LRRC28: variants seen among roughly 807,000 people sequenced by gnomAD.
LRRC28 encodes the protein leucine rich repeat containing 28.
A neutral mutation model predicts 45.7 loss-of-function variants in LRRC28; 39 were observed. The ratio of observed to expected loss-of-function variants is 0.85; its 90% CI spans 0.66 to 1.12. LRRC28 has a LOEUF of 1.12. Ranked by LOEUF, LRRC28 falls within the 50% of genes most tolerant of loss-of-function variation. The pLI, the probability that LRRC28 is intolerant of heterozygous loss-of-function variation, is 0.00. For synonymous variants in LRRC28, 206 were observed against 178.8 expected, an observed-to-expected ratio of 1.15 and a Z score of -1.22; for missense variants, 435 against 438.5, an observed-to-expected ratio of 0.99 and a Z score of 0.07.
chr15:99,292,554 C>T (rs1182191867), intron 5 of LRRC28, among the ~76,000 whole-genome samples: 2 of 151,356 alleles, frequency 1.3e-5, no homozygotes, highest in East Asian at 1.9e-4. Context: ...TTAGTAGAGA[C>T]GGGGTTTCAC....
chr15:99,333,877 C>G, intron 5 of LRRC28, 46 bp from the exon 6 acceptor site: 1 of 1,575,468 alleles, frequency 6.3e-7, no homozygotes, highest in Non-Finnish European at 8.7e-7. Flanking sequence ...TTGTTTATTT[C>G]AGTTCATAAG....
chr15:99,285,380 T>C, intron 3 of LRRC28: 1 of 743,092 alleles, frequency 1.3e-6, no homozygotes, highest in Non-Finnish European at 2.5e-6. Flanking sequence ...TGCATCCACC[T>C]CCTCCGCAGT....
Position 99,276,145 on chromosome 15 carries a change from A to G in LRRC28, c.169-431A>G, listed in dbSNP as rs529765087. ...CCGTCACCCCCAGATGGGACCATCT[A>G]GTTGCAGGAAAACAAGCTCAGGGTT... On this transcript the variant is annotated intron_variant, in intron 2 of 9. Coordinates refer to ENST00000301981, the MANE Select transcript of LRRC28 (RefSeq NM_144598.5). Among the ~76,000 whole-genome samples, 6 of 152,088 alleles carry G rather than the reference A, an allele frequency of 3.9e-5. No individual in the cohort carries two copies. In the South Asian group the frequency reaches 1.0e-3, roughly 26 times the overall value.
At chr15:99,313,854 T>G (rs897009968) in intron 5 of LRRC28, among the ~76,000 whole-genome samples, 1 of 152,146 alleles carries the variant, frequency 6.6e-6, no homozygotes, top group Non-Finnish European at 1.5e-5. Flanking sequence ...GCCAAGCTTT[T>G]GGTTTCCTTA....
At chr15:99,332,241 C>T (rs771757358) in intron 5 of LRRC28, among the ~76,000 whole-genome samples, 1 of 152,082 alleles carries the variant, frequency 6.6e-6, no homozygotes, top group Non-Finnish European at 1.5e-5. Context: ...CCAGTGGAGC[C>T]AAGCGTGAAA....
At chr15:99,310,219 C>T (rs1291278963) in intron 5 of LRRC28, among the ~76,000 whole-genome samples, 1 of 152,148 alleles carries the variant, frequency 6.6e-6, no homozygotes, top group Non-Finnish European at 1.5e-5. Flanking sequence ...GGGAAAGAAT[C>T]ATTTTTCTGC....
chr15:99,255,901 T>C lies in LRRC28; in HGVS notation c.-57T>C. ...AATTTTCTCGTTCTCTTTATAGAAA[T>C]GGACCAATTTTGACAAGATATAGTG... is the stretch of plus-strand genomic sequence containing the variant. On this transcript the variant is annotated 5_prime_UTR_variant, in exon 2 of 10. It removes an upstream start codon present in the reference 5' UTR. Transcript: ENST00000301981. 6.6e-7 allele frequency: 1 copy of C among 1,519,112 alleles called. No individual in the cohort carries two copies. The highest frequency in any genetic ancestry group is 8.8e-7 in the Non-Finnish European group (1 of 1,135,012). The allele number at this position is 1,519,112 out of a possible 1,614,324, so 94.1% of individuals were successfully genotyped here. A position where few individuals can be genotyped will look rare whatever the true frequency, so the allele number is the denominator to read the frequency against.
chr15:99,343,945 G>A (rs113735620), intron 6 of LRRC28, among the ~76,000 whole-genome samples: 15,381 of 151,998 alleles, frequency 0.1, 808 homozygotes, highest in African/African-American at 0.12. Context: ...CCAGGTTCAC[G>A]CTCTCAAGAG....
intron 5 of LRRC28, among the ~76,000 whole-genome samples, chr15:99,296,420 C>G (rs971864773): frequency 6.6e-6 from 1 of 152,156 alleles, no homozygotes; most frequent in African/African-American, 2.4e-5. Context: ...GCTCTTCACC[C>G]CACGTTACCC....
rs562627229 is a variant in LRRC28 at position 99,289,517 on chromosome 15, G to GA, written c.385+1572dup. Among the ~76,000 whole-genome samples the GA allele has an allele frequency of 3.4e-3, 521 of 152,240 alleles. 1 individual carries two copies. The highest frequency in any genetic ancestry group is 0.017 in the Middle Eastern group (5 of 294). On this transcript the variant is annotated intron_variant, in intron 5 of 9. Coordinates refer to ENST00000301981, the MANE Select transcript of LRRC28 (RefSeq NM_144598.5). ...AATTATGCATGTTAAACCCATGAAT[G>GA]AAAAAATCTATGGTATTTCTTTGTT...
At chr15:99,329,651 C>T (rs1360036126) in intron 5 of LRRC28, among the ~76,000 whole-genome samples, 5 of 152,168 alleles carry the variant, frequency 3.3e-5, no homozygotes, top group African/African-American at 1.2e-4. Context: ...GAAGAGATGT[C>T]CATTTTGTAC....
chr15:99,337,638 T>C (rs1369199161), intron 6 of LRRC28, among the ~76,000 whole-genome samples: 2 of 152,194 alleles, frequency 1.3e-5, no homozygotes, highest in African/African-American at 4.8e-5. Flanking sequence ...CTTTGTGAAT[T>C]TGTGAATGTG....
Position 99,334,133 on chromosome 15 carries a change from A to G in LRRC28, c.592+4A>G. On this transcript the variant is annotated splice_donor_region_variant and intron_variant, in intron 6 of 9. Transcript: ENST00000301981. ...CGTCTTGCATTTTTGCCACTTGGTA[A>G]GTGATTGTGTTTAAAGTAAAGCAGC... The G allele has an allele frequency of 3.1e-6, 5 of 1,614,100 alleles. No individual in the cohort carries two copies. Among genetic ancestry groups the G allele is most frequent in the Non-Finnish European group, 4.2e-6 (5 of 1,179,970 alleles).
chr15:99,379,851 T>C (rs995058334), intron 9 of LRRC28, among the ~76,000 whole-genome samples: 1 of 152,226 alleles, frequency 6.6e-6, no homozygotes, highest in Non-Finnish European at 1.5e-5. Flanking sequence ...TTGAGGAGTT[T>C]TGAGTGAGTT....
At chr15:99,343,183 G>T (rs1023152424) in intron 6 of LRRC28, among the ~76,000 whole-genome samples, 2 of 152,110 alleles carry the variant, frequency 1.3e-5, no homozygotes, top group African/African-American at 4.8e-5. Flanking sequence ...AATTTATTTT[G>T]ATTGATTGCT....
intron 9 of LRRC28, among the ~76,000 whole-genome samples, chr15:99,382,446 A>C (rs1200501479): frequency 6.6e-6 from 1 of 152,172 alleles, no homozygotes; most frequent in African/African-American, 2.4e-5. Flanking sequence ...CTATTCGGCC[A>C]TCTTGGAACC....
chr15:99,380,914 T>C (rs1957801274), intron 9 of LRRC28, among the ~76,000 whole-genome samples: 1 of 152,258 alleles, frequency 6.6e-6, no homozygotes, highest in South Asian at 2.1e-4. Flanking sequence ...GTTCGTCTGA[T>C]GGGCTTTCCT....
chr15:99,282,176 G>GTTTTTTTTTTTTTTTTT (rs1476287973), intron 3 of LRRC28, among the ~76,000 whole-genome samples: 1 of 33,880 alleles, frequency 3.0e-5, no homozygotes. Flanking sequence ...AATTTTTGGA[G>GTTTTTTTTTTTTTTTTT]GTTTTTTTTT....
intron 2 of LRRC28, among the ~76,000 whole-genome samples, chr15:99,275,138 A>C (rs1035217190): frequency 6.6e-6 from 1 of 152,208 alleles, no homozygotes; most frequent in African/African-American, 2.4e-5. Context: ...ATATATGCCT[A>C]TATACTTGTG....
Sources: allele counts gnomAD v4.1 joint callset (sites outside exome capture counted in the v4.1 genomes callset), GRCh38; gene constraint gnomAD v4.1.1; transcripts MANE v1.5; gene names NCBI Gene and HGNC (gene_info 2026-07-23, HGNC 2026-07-21).